The following HEMK2 variants were observed in gnomAD, a reference collection of about 807,000 sequenced individuals.
The protein encoded by HEMK2 is HemK methyltransferase 2, ETF1 glutamine and histone H4 lysine, also known as methyltransferase HEMK2.
At chr21:28,597,641 CA>C in the HEMK2 span, among the ~76,000 whole-genome samples, 1 of 151,974 alleles carries the variant, frequency 6.6e-6, no homozygotes, top group East Asian at 1.9e-4. Flanking sequence ...ACATTTGAGA[CA>C]AGGAATCAAA....
the HEMK2 span, among the ~76,000 whole-genome samples, chr21:28,761,044 T>C: frequency 2.0e-5 from 3 of 152,154 alleles, no homozygotes; most frequent in Admixed American, 6.6e-5. Flanking sequence ...AGTGATTTTA[T>C]TACTGTTTTG....
chr21:28,731,972 C>A, the HEMK2 span, among the ~76,000 whole-genome samples: 1 of 152,184 alleles, frequency 6.6e-6, no homozygotes, highest in South Asian at 2.1e-4. Context: ...TGTCCAGAGT[C>A]CCTGGGTGGT....
the HEMK2 span, among the ~76,000 whole-genome samples, chr21:28,663,989 T>C: frequency 4.6e-5 from 7 of 152,194 alleles, no homozygotes; most frequent in Non-Finnish European, 2.9e-5. Flanking sequence ...ATTGTACATA[T>C]AGTATGCTCA....
At chr21:28,877,324 GAAAA>G in the HEMK2 span, among the ~76,000 whole-genome samples, 3 of 132,522 alleles carry the variant, frequency 2.3e-5, no homozygotes, top group Admixed American at 8.3e-5. Context: ...GAGAAAGAAA[GAAAA>G]AGAAAGAAGG....
the HEMK2 span, among the ~76,000 whole-genome samples, chr21:28,749,232 T>C: frequency 6.6e-6 from 1 of 152,208 alleles, no homozygotes; most frequent in Non-Finnish European, 1.5e-5. Flanking sequence ...ATGATTTTCT[T>C]CTCAGTAGTG....
At chr21:28,854,585 A>G in the HEMK2 span, among the ~76,000 whole-genome samples, 1 of 152,182 alleles carries the variant, frequency 6.6e-6, no homozygotes, top group South Asian at 2.1e-4. Context: ...AGGTCCCACA[A>G]TACGCCATCT....
chr21:28,651,915 C>T, the HEMK2 span, among the ~76,000 whole-genome samples: 52 of 152,288 alleles, frequency 3.4e-4, no homozygotes, highest in African/African-American at 1.3e-3. Context: ...CAACAGTCCA[C>T]AACATACCAC....
chr21:28,609,109 G>A, the HEMK2 span, among the ~76,000 whole-genome samples: 3 of 152,054 alleles, frequency 2.0e-5, no homozygotes, highest in Admixed American at 6.6e-5. Context: ...ACCAGCACAC[G>A]TAACAAAAAT....
the HEMK2 span, among the ~76,000 whole-genome samples, chr21:28,619,112 C>T: frequency 1.3e-5 from 2 of 152,252 alleles, no homozygotes; most frequent in East Asian, 1.9e-4. Flanking sequence ...AGGGAGAAGA[C>T]GGCCATCTAC....
the HEMK2 span, among the ~76,000 whole-genome samples, chr21:28,853,910 G>A: frequency 6.6e-6 from 1 of 152,224 alleles, no homozygotes; most frequent in Non-Finnish European, 1.5e-5. Context: ...CACTTTAACA[G>A]TAGACACCTG....
the HEMK2 span, chr21:28,577,196 G>A: frequency 6.5e-4 from 99 of 152,308 alleles, no homozygotes; most frequent in African/African-American, 2.2e-3. Flanking sequence ...ATGAAAAGCA[G>A]AGACCAGCAC....
At chr21:28,675,980 G>A in the HEMK2 span, among the ~76,000 whole-genome samples, 1 of 152,122 alleles carries the variant, frequency 6.6e-6, no homozygotes, top group South Asian at 2.1e-4. Flanking sequence ...ACCCTGCCCC[G>A]TGGAATTTAC....
the HEMK2 span, among the ~76,000 whole-genome samples, chr21:28,851,250 TCCA>T: frequency 6.6e-6 from 1 of 152,082 alleles, no homozygotes; most frequent in Non-Finnish European, 1.5e-5. Flanking sequence ...TGCCAAAGGC[TCCA>T]AACGGCATCC....
the HEMK2 span, among the ~76,000 whole-genome samples, chr21:28,846,914 G>A: frequency 2.9e-4 from 44 of 152,082 alleles, no homozygotes; most frequent in Middle Eastern, 3.4e-3. Flanking sequence ...GCATTAGTTC[G>A]CTTAGAATAA....
chr21:28,855,457 T>G, the HEMK2 span, among the ~76,000 whole-genome samples: 1 of 152,102 alleles, frequency 6.6e-6, no homozygotes, highest in Non-Finnish European at 1.5e-5. Context: ...ACCATTAAGG[T>G]AGAAAACTAA....
At chr21:28,637,241 T>G in the HEMK2 span, among the ~76,000 whole-genome samples, 2 of 152,192 alleles carry the variant, frequency 1.3e-5, no homozygotes, top group African/African-American at 4.8e-5. Flanking sequence ...CATCATTGTA[T>G]GATATTAGGG....
At chr21:28,688,213 T>C in the HEMK2 span, among the ~76,000 whole-genome samples, 272 of 152,314 alleles carry the variant, frequency 1.8e-3, 2 homozygotes, top group African/African-American at 6.0e-3. Context: ...TGAGAGTACA[T>C]TGCCCATTCA....
chr21:28,780,459 G>A, the HEMK2 span, among the ~76,000 whole-genome samples: 156 of 96,850 alleles, frequency 1.6e-3, 7 homozygotes, highest in Admixed American at 1.1e-3. Context: ...TTACAGGCGC[G>A]AGCCACCATG....
the HEMK2 span, among the ~76,000 whole-genome samples, chr21:28,763,459 A>G: frequency 6.6e-6 from 1 of 152,074 alleles, no homozygotes; most frequent in African/African-American, 2.4e-5. Flanking sequence ...CTCATCACCA[A>G]GGGGATGGTG....
Sources: allele counts gnomAD v4.1 joint callset (sites outside exome capture counted in the v4.1 genomes callset), GRCh38; gene constraint gnomAD v4.1.1; transcripts MANE v1.5; gene names NCBI Gene and HGNC (gene_info 2026-07-23, HGNC 2026-07-21).